Variants in PIWIL2 observed in about 807,000 individuals in gnomAD.
PIWIL2 encodes the protein piwi-like protein 2.
A neutral mutation model predicts 116.5 loss-of-function variants in PIWIL2; 81 were observed. The ratio of observed to expected loss-of-function variants is 0.70; its 90% CI spans 0.58 to 0.84. The LOEUF is 0.84. PIWIL2 is among the 40% of genes least tolerant of loss of function. PIWIL2 has a pLI of 0.00. For missense variants in PIWIL2, 1,272 were observed against 1,212.3 expected, an observed-to-expected ratio of 1.05 and a Z score of -0.73; for synonymous variants, 489 against 429.5, an observed-to-expected ratio of 1.14 and a Z score of -1.71.
chr8:22,284,246 A>C lies in PIWIL2; in HGVS notation c.717A>C (p.Ala239=), dbSNP rs927817040. Residue 239 remains alanine (A), a synonymous_variant, in exon 6 of 23, where the codon GCA becomes GCC. Coordinates refer to ENST00000356766, the MANE Select transcript of PIWIL2 (RefSeq NM_018068.5). ...NLVKIQCHNE[A]VYQYHVTFSP... Reference sequence around the variant, plus strand: ...TCAAAATACAGTGTCATAATGAAGCAGTTTATCAATATCATGTGACTTTCA... The same window carrying C: ...TCAAAATACAGTGTCATAATGAAGCCGTTTATCAATATCATGTGACTTTCA... 6.3e-7 allele frequency: 1 copy of C among 1,594,342 alleles called. No homozygotes were observed. Among genetic ancestry groups the C allele is most frequent in the Non-Finnish European group, 8.6e-7 (1 of 1,166,196 alleles).
intron 10 of PIWIL2, among the ~76,000 whole-genome samples, chr8:22,299,393 A>G (rs1830990723): frequency 6.6e-6 from 1 of 151,920 alleles, no homozygotes; most frequent in South Asian, 2.1e-4. Flanking sequence ...TTTTTAGTAG[A>G]GACAGGGTTT....
intron 16 of PIWIL2, among the ~76,000 whole-genome samples, chr8:22,313,078 C>G (rs972383711): frequency 2.0e-5 from 3 of 152,232 alleles, no homozygotes; most frequent in Non-Finnish European, 2.9e-5. Flanking sequence ...TCCCCCATTT[C>G]ACAACTTGTG....
chr8:22,288,370 CGTA>C (rs1285101341), intron 7 of PIWIL2, among the ~76,000 whole-genome samples, 169 bp from the exon 8 acceptor site: 3 of 151,078 alleles, frequency 2.0e-5, no homozygotes, highest in Admixed American at 2.0e-4. Context: ...TTTTCTGAAT[CGTA>C]GTTGTCATGC....
chr8:22,286,192 T>C (rs567612140), intron 6 of PIWIL2, among the ~76,000 whole-genome samples: 5 of 152,054 alleles, frequency 3.3e-5, no homozygotes, highest in African/African-American at 4.8e-5. Context: ...GTTGAGGGTG[T>C]TGTGATCTTC....
In PIWIL2 at chr8:22,338,719, TAAATAAC is replaced by T. The variant is rs761137705; in HGVS notation, c.2404-14237_2404-14231del. Among the ~76,000 whole-genome samples, 989 of 149,702 alleles carry T rather than the reference TAAATAAC, an allele frequency of 6.6e-3. 7 individuals carry two copies. The highest frequency in any genetic ancestry group is 0.01 in the Middle Eastern group (3 of 294). On this transcript the variant is annotated intron_variant, in intron 20 of 22. Transcript: ENST00000356766. ...ATAAATAAATAAATAAATAAATAAA[TAAATAAC>T]AACATTTATGCATTAGCAGAAAACA...
At chr8:22,338,736 G>T (rs957224373) in intron 20 of PIWIL2, among the ~76,000 whole-genome samples, 1 of 151,966 alleles carries the variant, frequency 6.6e-6, no homozygotes, top group African/African-American at 2.4e-5. Context: ...CAACATTTAT[G>T]CATTAGCAGA....
intron 10 of PIWIL2, among the ~76,000 whole-genome samples, chr8:22,300,015 C>G (rs1831008235): frequency 6.6e-6 from 1 of 152,066 alleles, no homozygotes; most frequent in South Asian, 2.1e-4. Flanking sequence ...TCTCAGCTCG[C>G]TGCAACCTCC....
chr8:22,343,867 C>A (rs911145725), intron 20 of PIWIL2, among the ~76,000 whole-genome samples: 1 of 152,178 alleles, frequency 6.6e-6, no homozygotes, highest in African/African-American at 2.4e-5. Context: ...CATACACATA[C>A]CAACAATCAC....
At chr8:22,278,457 C>G (rs1235294348) in intron 1 of PIWIL2, among the ~76,000 whole-genome samples, 1 of 152,062 alleles carries the variant, frequency 6.6e-6, no homozygotes, top group Non-Finnish European at 1.5e-5. Flanking sequence ...GAGGTCAAGG[C>G]TGCAGTGAGC....
chr8:22,342,069 G>C (rs1044931421), intron 20 of PIWIL2, among the ~76,000 whole-genome samples: 1 of 151,364 alleles, frequency 6.6e-6, no homozygotes, highest in African/African-American at 2.4e-5. Context: ...ATTTGTGTCA[G>C]CAGAAAAAAA....
At position 22,283,359 on chromosome 8, in the gene PIWIL2, G is replaced by A. The variant is rs552248264; in HGVS notation, c.632+119G>A. Reference sequence around the variant, plus strand: ...GGTCCTCCCTGGGTAATAATACTGCGGGGTGTTTTGTTTTTTGCCAGTGGG... The same window carrying A: ...GGTCCTCCCTGGGTAATAATACTGCAGGGTGTTTTGTTTTTTGCCAGTGGG... On this transcript the variant is annotated intron_variant, in intron 5 of 22. Transcript: ENST00000356766. The A allele has an allele frequency of 3.2e-4, 231 of 730,056 alleles. 3 individuals are homozygous for A. The Admixed American group carries it at 5.1e-3, about 16-fold the overall frequency. 45.2% of individuals were successfully genotyped at this position (730,056 alleles called of 1,614,324 possible).
intron 20 of PIWIL2, among the ~76,000 whole-genome samples, chr8:22,349,936 AGTCGT>A (rs1274442345): frequency 2.2e-4 from 33 of 152,244 alleles, no homozygotes; most frequent in Non-Finnish European, 4.4e-4. Context: ...GTGTGGCTCG[AGTCGT>A]CTACACATCC....
intron 20 of PIWIL2, among the ~76,000 whole-genome samples, chr8:22,341,624 A>G (rs1563423472): frequency 6.6e-6 from 1 of 151,088 alleles, no homozygotes; most frequent in Non-Finnish European, 1.5e-5. Flanking sequence ...GATTCCCAGC[A>G]CGTTAGGAAT....
At chr8:22,309,049 CCTCCCAG>C (rs1285501411) in intron 14 of PIWIL2, among the ~76,000 whole-genome samples, 1 of 152,104 alleles carries the variant, frequency 6.6e-6, no homozygotes, top group South Asian at 2.1e-4. Context: ...GCAACCTCCA[CCTCCCAG>C]GTTCAAGCGA....
intron 20 of PIWIL2, among the ~76,000 whole-genome samples, chr8:22,318,579 A>G (rs1264148332): frequency 6.6e-6 from 1 of 152,096 alleles, no homozygotes; most frequent in African/African-American, 2.4e-5. Context: ...GGGCCTCCCA[A>G]AGTGTTGGGA....
chr8:22,289,301 C>T lies in PIWIL2; in HGVS notation c.987-546C>T, dbSNP rs1292022525. On this transcript the variant is annotated intron_variant, in intron 8 of 22. Transcript: ENST00000356766. ...CTGAGTAGCTGGGATTACAGGCATG[C>T]GCTGCCACGTCTGGCTAATTTTTGT... Among the ~76,000 whole-genome samples the T allele has an allele frequency of 4.6e-5, 7 of 152,104 alleles. No homozygotes were observed. The South Asian group carries it at 6.2e-4, about 14-fold the overall frequency.
intron 2 of PIWIL2, among the ~76,000 whole-genome samples, 175 bp downstream of exon 2, chr8:22,279,759 C>T (rs995341537): frequency 3.3e-5 from 5 of 152,212 alleles, no homozygotes; most frequent in African/African-American, 1.2e-4. Flanking sequence ...TCAAGACCAG[C>T]CTGGCCAACC....
At chr8:22,341,563 C>G (rs1164780117) in intron 20 of PIWIL2, among the ~76,000 whole-genome samples, 2 of 147,978 alleles carry the variant, frequency 1.4e-5, no homozygotes, top group Non-Finnish European at 3.0e-5. Flanking sequence ...CCATTGCACT[C>G]CAGCCTGGGC....
chr8:22,351,525 G>GT lies in PIWIL2; in HGVS notation c.2404-1424dup, dbSNP rs542516480. On this transcript the variant is annotated intron_variant, in intron 20 of 22. Coordinates refer to ENST00000356766, the MANE Select transcript of PIWIL2 (RefSeq NM_018068.5). ...AATTCATAATTTAGGTTTTTTTGGT[G>GT]TTTTTTTTTTGTTTTTTTGTTTTTT... Among the ~76,000 whole-genome samples, 493 of 115,512 alleles carry GT rather than the reference G, an allele frequency of 4.3e-3. 7 individuals carry two copies. The East Asian group carries it at 0.043, about 10-fold the overall frequency. 75.8% of individuals were successfully genotyped at this position (115,512 alleles called of 152,430 possible). A position where few individuals can be genotyped will look rare whatever the true frequency, so the allele number is the denominator to read the frequency against.
Sources: allele counts gnomAD v4.1 joint callset (sites outside exome capture counted in the v4.1 genomes callset), GRCh38; gene constraint gnomAD v4.1.1; transcripts MANE v1.5; gene names NCBI Gene and HGNC (gene_info 2026-07-23, HGNC 2026-07-21).